ANTXR2: variants seen among roughly 807,000 people sequenced by gnomAD.
The protein encoded by ANTXR2 is ANTXR cell adhesion molecule 2, also known as anthrax toxin receptor 2.
ANTXR2 carries 44 observed loss-of-function variants against 73.7 expected under a neutral mutation model. The ratio of observed to expected loss-of-function variants is 0.60; its 90% CI spans 0.47 to 0.77. ANTXR2 has a LOEUF of 0.77. Among genes scored for constraint, ANTXR2 ranks in the 30% least tolerant of loss-of-function variants. ANTXR2 has a pLI of 0.00. For synonymous variants in ANTXR2, 217 were observed against 205.9 expected (o/e 1.05, Z -0.46); for missense variants, 604 against 592.5 (o/e 1.02, Z -0.20).
At chr4:80,040,550 T>C (rs1293189201) in intron 7 of ANTXR2, among the ~76,000 whole-genome samples, 1 of 152,062 alleles carries the variant, frequency 6.6e-6, no homozygotes, top group African/African-American at 2.4e-5. Flanking sequence ...TCATTATGTT[T>C]CAATAGTAAA....
Position 80,044,037 on chromosome 4 carries a change from C to T in ANTXR2, c.637-8005G>A, listed in dbSNP as rs377338043. Among the ~76,000 whole-genome samples the T allele has an allele frequency of 1.0e-3, 156 of 152,018 alleles. 1 individual carries two copies. Among genetic ancestry groups the T allele is most frequent in the Non-Finnish European group, 1.2e-3 (80 of 67,936 alleles). On this transcript the variant is annotated intron_variant, in intron 7 of 16. Coordinates refer to ENST00000403729, the MANE Select transcript of ANTXR2 (RefSeq NM_058172.6). ...AGGTTTGCTGGAGGTTGAGAACCAACGCTAAGTCAGAGGGACAAATACTCC... is the reference window on the plus strand; with the variant it reads ...AGGTTTGCTGGAGGTTGAGAACCAATGCTAAGTCAGAGGGACAAATACTCC...
chr4:80,007,977 C>T (rs1345366318), intron 12 of ANTXR2, among the ~76,000 whole-genome samples: 1 of 152,160 alleles, frequency 6.6e-6, no homozygotes, highest in Non-Finnish European at 1.5e-5. Flanking sequence ...CTTTCACAGG[C>T]TTTATACAAA....
chr4:80,036,030 T>A lies in ANTXR2; in HGVS notation c.639A>T (p.Ile213=). ...GGATTTCAGTACATGACTGAGCTAG[T>A]ATCTAAAAAAGAAAAAAAAAAAAGA... ...FQALKGIINS[I]LAQSCTEILE... is the part of the protein sequence containing the mutation. The change falls in exon 8 of 17, where the codon ATA becomes ATT. Residue 213 remains isoleucine (I), a splice_region_variant and synonymous_variant. Transcript: ENST00000403729. The A allele has an allele frequency of 6.6e-7, 1 of 1,506,672 alleles. No homozygotes were observed. The highest frequency in any genetic ancestry group is 8.8e-7 in the Non-Finnish European group (1 of 1,133,126). 93.3% of individuals were successfully genotyped at this position (1,506,672 alleles called of 1,614,324 possible). A position where few individuals can be genotyped will look rare whatever the true frequency, so the allele number is the denominator to read the frequency against.
chr4:79,911,446 C>A (rs4690125), intron 16 of ANTXR2, among the ~76,000 whole-genome samples: 9 of 151,734 alleles, frequency 5.9e-5, no homozygotes, highest in African/African-American at 1.9e-4. Context: ...TTAAATGTAA[C>A]CTAAATATAT....
rs767140878 is a variant in ANTXR2 at position 79,984,878 on chromosome 4, C to T, written c.1042-15G>A. On this transcript the variant is annotated splice_polypyrimidine_tract_variant and intron_variant, in intron 12 of 16. Coordinates refer to ENST00000403729, the MANE Select transcript of ANTXR2 (RefSeq NM_058172.6). ...TCCTTAATAACCTGTCAAAAAAAATCAAATATAAAAATTTCTATGGCATAG... is the reference window on the plus strand; with the variant it reads ...TCCTTAATAACCTGTCAAAAAAAATTAAATATAAAAATTTCTATGGCATAG... 5.1e-6 allele frequency: 8 copies of T among 1,581,398 alleles called. No homozygotes were observed. The East Asian group carries it at 1.6e-4, about 31-fold the overall frequency.
chr4:80,001,135 C>T (rs1036243830), intron 12 of ANTXR2, among the ~76,000 whole-genome samples: 1 of 150,992 alleles, frequency 6.6e-6, no homozygotes, highest in Non-Finnish European at 1.5e-5. Context: ...TTAAAGGATG[C>T]ATATTGGTTT....
intron 14 of ANTXR2, among the ~76,000 whole-genome samples, chr4:79,978,642 T>C (rs1010034727): frequency 3.3e-5 from 5 of 152,212 alleles, no homozygotes; most frequent in Non-Finnish European, 5.9e-5. Flanking sequence ...CATACAAAAA[T>C]GCAGTGAGAT....
intron 16 of ANTXR2, among the ~76,000 whole-genome samples, chr4:79,955,499 C>T (rs1728854779): frequency 6.6e-6 from 1 of 151,916 alleles, no homozygotes; most frequent in South Asian, 2.1e-4. Context: ...ATATTCTAAA[C>T]AATAAGTTAG....
intron 12 of ANTXR2, among the ~76,000 whole-genome samples, chr4:79,987,789 G>A (rs888847511): frequency 3.9e-5 from 6 of 152,176 alleles, no homozygotes; most frequent in African/African-American, 1.2e-4. Flanking sequence ...AACTTTACAA[G>A]TCAAAAGAGA....
intron 16 of ANTXR2, among the ~76,000 whole-genome samples, chr4:79,929,806 A>G (rs986308824): frequency 6.6e-6 from 1 of 152,212 alleles, no homozygotes; most frequent in African/African-American, 2.4e-5. Context: ...ATAACCTTCT[A>G]AGTTCCACAT....
chr4:79,915,829 CCTCTCTCTCT>C (rs71596772), intron 16 of ANTXR2, among the ~76,000 whole-genome samples: 2 of 132,948 alleles, frequency 1.5e-5, no homozygotes, highest in African/African-American at 2.8e-5. Flanking sequence ...TGTCTCTCTC[CCTCTCTCTCT>C]CTCTCTCTCT....
At position 79,977,926 on chromosome 4, in the gene ANTXR2, T is replaced by C. The variant is rs1729708085; in HGVS notation, c.1347+81A>G. On this transcript the variant is annotated intron_variant, in intron 15 of 16. Transcript: ENST00000403729. ...GCAATTTCATCTACCCTCTTTCAAG[T>C]AGCTGGGGGGATGTGGTACAAAAAA... The C allele has an allele frequency of 4.1e-6, 6 of 1,448,474 alleles. No individual in the cohort carries two copies. In the South Asian group the frequency reaches 8.3e-5, roughly 20 times the overall value. The allele number at this position is 1,448,474 out of a possible 1,614,324, so 89.7% of individuals were successfully genotyped here.
chr4:80,034,133 C>T (rs1384669424), intron 8 of ANTXR2, among the ~76,000 whole-genome samples: 2 of 152,010 alleles, frequency 1.3e-5, no homozygotes, highest in East Asian at 3.9e-4. Flanking sequence ...CAAAAGATCA[C>T]GTATTTTGAA....
At chr4:80,070,043 C>G (rs1232604873) in intron 2 of ANTXR2, among the ~76,000 whole-genome samples, 1 of 152,160 alleles carries the variant, frequency 6.6e-6, no homozygotes, top group African/African-American at 2.4e-5. Flanking sequence ...TTCTAAGTCT[C>G]AAACATGCTA....
At chr4:79,947,679 G>A (rs1340335421) in intron 16 of ANTXR2, among the ~76,000 whole-genome samples, 2 of 151,978 alleles carry the variant, frequency 1.3e-5, no homozygotes, top group Non-Finnish European at 2.9e-5. Flanking sequence ...TCACTAACAA[G>A]GTCACTTTTG....
At chr4:79,949,182 G>A (rs942916247) in intron 16 of ANTXR2, among the ~76,000 whole-genome samples, 6 of 152,126 alleles carry the variant, frequency 3.9e-5, no homozygotes, top group East Asian at 1.9e-4. Context: ...GACAGAGGAC[G>A]CAAGTACCCA....
intron 16 of ANTXR2, among the ~76,000 whole-genome samples, chr4:79,947,805 T>C (rs1206369986): frequency 6.6e-6 from 1 of 152,176 alleles, no homozygotes; most frequent in Non-Finnish European, 1.5e-5. Context: ...TTCCCAAACA[T>C]AATGTATTCA....
chr4:79,921,334 CTAGT>C (rs1327872753), intron 16 of ANTXR2, among the ~76,000 whole-genome samples: 2 of 151,856 alleles, frequency 1.3e-5, no homozygotes, highest in Non-Finnish European at 2.9e-5. Context: ...TGATTTATTC[CTAGT>C]TAAGTTAGGT....
chr4:79,918,501 C>A (rs114626215), intron 16 of ANTXR2, among the ~76,000 whole-genome samples: 1 of 151,924 alleles, frequency 6.6e-6, no homozygotes, highest in African/African-American at 2.4e-5. Context: ...GTGATAAGCA[C>A]GACAGTTGAC....
Sources: gnomAD v4.1 joint callset for allele counts (sites outside exome capture counted in the v4.1 genomes callset) on GRCh38, gnomAD v4.1.1 for gene constraint, MANE v1.5 for transcripts, NCBI Gene and HGNC (gene_info 2026-07-23, HGNC 2026-07-21) for gene names.